CACNA1C: variants seen among roughly 807,000 people sequenced by gnomAD.
CACNA1C encodes the protein calcium voltage-gated channel subunit alpha1 C.
In CACNA1C, 30 loss-of-function variants were observed where a neutral mutation model predicts 229.0. The ratio of observed to expected loss-of-function variants is 0.13; its 90% CI spans 0.10 to 0.18. The LOEUF is 0.18. Ranked by LOEUF, CACNA1C falls within the 10% of genes least tolerant of loss-of-function variation. The pLI, the probability that CACNA1C is intolerant of heterozygous loss-of-function variation, is 1.00. For synonymous variants in CACNA1C, 1,114 were observed against 1,132.5 expected (o/e 0.98, Z 0.33); for missense variants, 1,658 against 2,845.0 (o/e 0.58, Z 9.49).
At chr12:2,241,375 A>G (rs559520770) in intron 3 of CACNA1C, among the ~76,000 whole-genome samples, 10 of 152,140 alleles carry the variant, frequency 6.6e-5, no homozygotes, top group Non-Finnish European at 1.5e-4. Flanking sequence ...AGTTCAAGTC[A>G]TCCCAATTCC....
rs566888241 is a variant in CACNA1C, at chr12:2,449,319, T to C, written c.617+204T>C. 6.6e-5 allele frequency among the ~76,000 whole-genome samples: 10 copies of C among 152,316 alleles called. No homozygotes were observed. The East Asian group carries it at 1.9e-3, about 29-fold the overall frequency. ...CAGCAAAGTGAGAGAGTGCGCTTCC[T>C]GCCCATGGGCTTCCCGCCTCGCAGG... On this transcript the variant is annotated intron_variant, in intron 4 of 46. Coordinates refer to ENST00000399655, the MANE Select transcript of CACNA1C (RefSeq NM_000719.7).
Position 2,181,763 on chromosome 12 carries a change from A to C in CACNA1C, c.477+61333A>C, listed in dbSNP as rs1392524287. ...TCCTCACAATAACCCCATGGGGTAG[A>C]TATTACTGTTATTACCCTTTTATAG... On this transcript the variant is annotated intron_variant, in intron 3 of 46. Coordinates refer to ENST00000399655, the MANE Select transcript of CACNA1C (RefSeq NM_000719.7). The surrounding 1 kb of genome is among the most constrained non-coding windows in gnomAD (Gnocchi z 4.0). Among the ~76,000 whole-genome samples, 1 of 152,130 alleles carries C rather than the reference A, an allele frequency of 6.6e-6. No individual in the cohort carries two copies. Among genetic ancestry groups the C allele is most frequent in the Non-Finnish European group, 1.5e-5 (1 of 68,036 alleles).
chr12:2,155,540 A>G (rs898462060), intron 3 of CACNA1C, among the ~76,000 whole-genome samples: 7 of 152,188 alleles, frequency 4.6e-5, no homozygotes, highest in Admixed American at 1.3e-4. Context: ...ATTGTTTGTT[A>G]AGGAATTTCT....
chr12:2,160,774 C>G lies in CACNA1C; in HGVS notation c.477+40344C>G, dbSNP rs530618118. ...CTAAAATGGCAAGTTTCTTTGCTTTCCAGTGAAAGAGTATCGATTTGGTAT... is the reference window on the plus strand; with the variant it reads ...CTAAAATGGCAAGTTTCTTTGCTTTGCAGTGAAAGAGTATCGATTTGGTAT... On this transcript the variant is annotated intron_variant, in intron 3 of 46. Transcript: ENST00000399655. Among the ~76,000 whole-genome samples the G allele has an allele frequency of 4.6e-5, 7 of 152,234 alleles. No homozygotes were observed. In the South Asian group the frequency reaches 1.5e-3, roughly 32 times the overall value.
In CACNA1C at chr12:2,647,944, A is replaced by C. The variant is rs2094516438; in HGVS notation, c.3913-531A>C. Among the ~76,000 whole-genome samples the C allele has an allele frequency of 6.6e-6, 1 of 152,194 alleles. No individual in the cohort carries two copies. Among genetic ancestry groups the C allele is most frequent in the Non-Finnish European group, 1.5e-5 (1 of 68,044 alleles). On this transcript the variant is annotated intron_variant, in intron 30 of 46. Transcript: ENST00000399655. This position sits in a 1 kb window ranked among gnomAD's most constrained non-coding sequence, Gnocchi z 4.2. ...CGAGTTTGAGACCAGCCTGGGCAGTATAGTGAGACCCTGTCTCTAAAAAAA... is the reference window on the plus strand; with the variant it reads ...CGAGTTTGAGACCAGCCTGGGCAGTCTAGTGAGACCCTGTCTCTAAAAAAA...
Position 2,181,402 on chromosome 12 carries a change from G to A in CACNA1C, c.477+60972G>A, listed in dbSNP as rs1016364884. On this transcript the variant is annotated intron_variant, in intron 3 of 46. Transcript: ENST00000399655. This position sits in a 1 kb window ranked among gnomAD's most constrained non-coding sequence, Gnocchi z 4.0. ...CCCAGGCCTTCAGTGTGGGGACAGA[G>A]TTAAGATCAACATGATCACAGCAGA... Among the ~76,000 whole-genome samples the A allele has an allele frequency of 6.6e-6, 1 of 152,160 alleles. No homozygotes were observed. The highest frequency in any genetic ancestry group is 1.5e-5 in the Non-Finnish European group (1 of 68,032).
intron 3 of CACNA1C, among the ~76,000 whole-genome samples, chr12:2,446,864 G>GTGGGTGGA (rs1489164840): frequency 2.6e-5 from 4 of 151,830 alleles, no homozygotes; most frequent in Non-Finnish European, 5.9e-5. Context: ...GAATTGGTGG[G>GTGGGTGGA]TGGGTGGATG....
intron 19 of CACNA1C, among the ~76,000 whole-genome samples, chr12:2,593,665 G>A (rs1026660000): frequency 4.6e-5 from 7 of 152,188 alleles, no homozygotes; most frequent in African/African-American, 1.7e-4. Context: ...ATAATAGAGT[G>A]ACCTTAGACT....
chr12:2,600,872 C>T (rs1034259959), intron 21 of CACNA1C, among the ~76,000 whole-genome samples: 7 of 152,224 alleles, frequency 4.6e-5, no homozygotes, highest in Admixed American at 1.3e-4. Flanking sequence ...TTATGGGGCT[C>T]ACCGTGTGCA....
At position 2,115,353 on chromosome 12, in the gene CACNA1C, G is replaced by A. The variant is rs1460962311; in HGVS notation, c.179G>A (p.Arg60Gln). 2 of 1,593,802 alleles carry A rather than the reference G, an allele frequency of 1.3e-6. No individual in the cohort carries two copies. Among genetic ancestry groups the A allele is most frequent in the South Asian group, 1.1e-5 (1 of 88,666 alleles). ...TGGCAGGCGGCCATCGACGCAGCCC[G>A]GCAGGCTAAGCTGATGGGCAGCGCT... is the stretch of plus-strand genomic sequence containing the variant. ...LSWQAAIDAA[R>Q]QAKLMGSAGN... is the part of the protein sequence containing the mutation. Residue 60 changes from arginine (R) to glutamine (Q), a missense_variant, in exon 2 of 47, where the codon CGG becomes CAG. Arg to Gln is a conservative substitution (Grantham distance 43, BLOSUM62 1). Coordinates refer to ENST00000399655, the MANE Select transcript of CACNA1C (RefSeq NM_000719.7).
chr12:2,561,840 T>C (rs1308671156), intron 11 of CACNA1C, among the ~76,000 whole-genome samples: 1 of 152,206 alleles, frequency 6.6e-6, no homozygotes, highest in Non-Finnish European at 1.5e-5. Context: ...TTCCAGTTAG[T>C]GTGAAGGGAA....
chr12:2,688,908 C>T, intron 46 of CACNA1C, 129 bp downstream of exon 46: 1 of 784,328 alleles, frequency 1.3e-6, no homozygotes, highest in Non-Finnish European at 2.0e-6. Context: ...CCGAAAGACC[C>T]TCCCTCTCAG....
intron 34 of CACNA1C, among the ~76,000 whole-genome samples, chr12:2,663,256 G>A (rs1428192387): frequency 6.6e-6 from 1 of 152,058 alleles, no homozygotes; most frequent in Non-Finnish European, 1.5e-5. Flanking sequence ...GAATAGACAC[G>A]AAACCACCAT....
chr12:1,986,895 T>C (rs1182980609), intron 1 of CACNA1C, among the ~76,000 whole-genome samples: 1 of 152,212 alleles, frequency 6.6e-6, no homozygotes, highest in South Asian at 2.1e-4. Context: ...TATACTGTAG[T>C]GAACTTATTC....
chr12:2,622,488 G>C (rs1774641997), intron 29 of CACNA1C, among the ~76,000 whole-genome samples: 1 of 152,090 alleles, frequency 6.6e-6, no homozygotes. Context: ...CCTTGCCCTG[G>C]AGGAGCTCAA....
chr12:2,667,170 T>C (rs574866552), intron 37 of CACNA1C, among the ~76,000 whole-genome samples: 2 of 148,648 alleles, frequency 1.3e-5, no homozygotes, highest in East Asian at 4.0e-4. Flanking sequence ...ATCACTAAAA[T>C]ACAAAGTTTA....
chr12:2,035,208 A>G (rs973227843), intron 1 of CACNA1C, among the ~76,000 whole-genome samples: 2 of 152,214 alleles, frequency 1.3e-5, no homozygotes, highest in South Asian at 2.1e-4. Context: ...CTGCTCCAGA[A>G]CTGCCACCTT....
chr12:2,128,569 C>T (rs998191898), intron 3 of CACNA1C, among the ~76,000 whole-genome samples: 1 of 152,106 alleles, frequency 6.6e-6, no homozygotes, highest in Non-Finnish European at 1.5e-5. Flanking sequence ...CAGCACCATG[C>T]CCAGCTAATT....
intron 29 of CACNA1C, among the ~76,000 whole-genome samples, chr12:2,629,735 C>T (rs2089421972): frequency 6.6e-6 from 1 of 152,222 alleles, no homozygotes; most frequent in Non-Finnish European, 1.5e-5. Context: ...CAAATCAGGG[C>T]ATGGACAACC....
Sources: gnomAD v4.1 joint callset for allele counts (sites outside exome capture counted in the v4.1 genomes callset) on GRCh38, gnomAD v4.1.1 for gene constraint, Gnocchi (gnomAD v3.1) non-coding constraint, MANE v1.5 for transcripts, NCBI Gene and HGNC (gene_info 2026-07-23, HGNC 2026-07-21) for gene names.